Variants in HDAC9 observed in about 807,000 individuals in gnomAD.
The protein encoded by HDAC9 is histone deacetylase 9, also known as MEF-2 interacting transcription repressor (MITR) protein.
Under a neutral mutation model 139.4 loss-of-function variants are expected in HDAC9, and 41 were observed. That is an observed-to-expected ratio of 0.29 (90% CI 0.23 to 0.38). The LOEUF is 0.38. Ranked by LOEUF, HDAC9 falls within the 10% of genes least tolerant of loss-of-function variation. HDAC9 has a pLI of 1.00. For synonymous variants in HDAC9, 517 were observed against 476.2 expected, an observed-to-expected ratio of 1.09 and a Z score of -1.12; for missense variants, 1,147 against 1,297.0, an observed-to-expected ratio of 0.88 and a Z score of 1.78.
At chr7:18,651,100 C>T (rs553679188) in intron 11 of HDAC9, among the ~76,000 whole-genome samples, 25 of 152,254 alleles carry the variant, frequency 1.6e-4, no homozygotes, top group East Asian at 3.9e-4. Context: ...GCTTCCGTGA[C>T]GTGACAAGGA....
chr7:18,880,478 A>T (rs1428079917), intron 22 of HDAC9, among the ~76,000 whole-genome samples: 1 of 152,198 alleles, frequency 6.6e-6, no homozygotes, highest in African/African-American at 2.4e-5. Flanking sequence ...AGCCATAAAA[A>T]AGAACAAGCT....
chr7:18,270,672 GAGT>G (rs1796297710), intron 2 of HDAC9, among the ~76,000 whole-genome samples: 1 of 152,118 alleles, frequency 6.6e-6, no homozygotes, highest in South Asian at 2.1e-4. Context: ...GGTGAAAAAA[GAGT>G]AGGAGGAAAA....
intron 13 of HDAC9, 134 bp downstream of exon 13, chr7:18,727,891 G>A (rs1339661910): frequency 3.3e-6 from 2 of 611,800 alleles, no homozygotes; most frequent in Non-Finnish European, 5.2e-6. Context: ...CAAATTTTAC[G>A]AGGTTATATT....
At chr7:18,185,637 G>A (rs932688079) in intron 2 of HDAC9, among the ~76,000 whole-genome samples, 3 of 151,220 alleles carry the variant, frequency 2.0e-5, no homozygotes, top group Admixed American at 6.6e-5. Context: ...TTTTCTCTTT[G>A]TATTTAAACT....
At chr7:18,300,060 A>G (rs952898529) in intron 1 of HDAC9, among the ~76,000 whole-genome samples, 2 of 152,146 alleles carry the variant, frequency 1.3e-5, no homozygotes, top group South Asian at 2.1e-4. Context: ...TCCTCCCCTT[A>G]CAGCAGCCTC....
At chr7:18,371,545 T>G (rs1337639493) in intron 1 of HDAC9, among the ~76,000 whole-genome samples, 3 of 152,096 alleles carry the variant, frequency 2.0e-5, no homozygotes, top group Admixed American at 2.0e-4. Context: ...TAGAACACAT[T>G]AGGAATTCCA....
At chr7:18,297,618 C>G (rs1798241156) in intron 1 of HDAC9, among the ~76,000 whole-genome samples, 1 of 152,102 alleles carries the variant, frequency 6.6e-6, no homozygotes, top group South Asian at 2.1e-4. Flanking sequence ...AGGTTAGATT[C>G]TTGTGACAGT....
intron 21 of HDAC9, among the ~76,000 whole-genome samples, chr7:18,864,029 GT>G (rs1798304111): frequency 6.6e-6 from 1 of 152,152 alleles, no homozygotes; most frequent in African/African-American, 2.4e-5. Flanking sequence ...TGTATTATAT[GT>G]TTTTTAAGGA....
intron 1 of HDAC9, chr7:18,429,428 T>A (rs1379506661): frequency 6.6e-6 from 1 of 152,184 alleles, no homozygotes; most frequent in African/African-American, 2.4e-5. Flanking sequence ...TAGCTGTAAA[T>A]GTAATACTCC....
chr7:18,921,738 A>G (rs1175547681), intron 22 of HDAC9, among the ~76,000 whole-genome samples: 1 of 152,176 alleles, frequency 6.6e-6, no homozygotes, highest in Non-Finnish European at 1.5e-5. Context: ...GTATATACCC[A>G]AAGGACTATA....
intron 21 of HDAC9, among the ~76,000 whole-genome samples, chr7:18,843,146 A>G (rs1326893502): frequency 6.6e-6 from 1 of 152,128 alleles, no homozygotes; most frequent in Non-Finnish European, 1.5e-5. Context: ...GACTAATTAA[A>G]AGGATATCTA....
chr7:18,794,703 T>G (rs1000217195), intron 17 of HDAC9, among the ~76,000 whole-genome samples: 4 of 152,220 alleles, frequency 2.6e-5, no homozygotes, highest in Non-Finnish European at 4.4e-5. Context: ...CCAGTAGAAC[T>G]TGAGGAAAAA....
chr7:18,766,521 G>A (rs534923735), intron 15 of HDAC9, among the ~76,000 whole-genome samples: 32 of 152,190 alleles, frequency 2.1e-4, no homozygotes, highest in Admixed American at 1.7e-3. Flanking sequence ...TTAAAAAATT[G>A]TGGATGTTAG....
At chr7:18,856,705 G>A (rs1797708349) in intron 21 of HDAC9, among the ~76,000 whole-genome samples, 1 of 152,128 alleles carries the variant, frequency 6.6e-6, no homozygotes, top group Non-Finnish European at 1.5e-5. Context: ...ACATTTGTGT[G>A]CATTTATCTT....
At chr7:18,309,480 T>A (rs1799157817) in intron 1 of HDAC9, among the ~76,000 whole-genome samples, 1 of 152,154 alleles carries the variant, frequency 6.6e-6, no homozygotes, top group African/African-American at 2.4e-5. Context: ...AGAAAAAAAA[T>A]GGTAAAGGTA....
In HDAC9 at chr7:18,202,976, A is replaced by G. The variant is rs143493496; in HGVS notation, c.25+40627A>G. On this transcript the variant is annotated intron_variant, in intron 2 of 12. Transcript: ENST00000417496. The stretch of plus-strand genomic sequence containing the variant: ...GAAAGTTCTTGTGAGGATTAAATGG[A>G]TGAATATATGTAAAGCAGTTTAAAC... Among the ~76,000 whole-genome samples, 42 of 152,312 alleles carry G rather than the reference A, an allele frequency of 2.8e-4. No homozygotes were observed. In the East Asian group the frequency reaches 6.6e-3, roughly 24 times the overall value.
At position 18,345,500 on chromosome 7, in the gene HDAC9, A is replaced by G. The variant is rs1156841576; in HGVS notation, c.-42+54985A>G. On this transcript the variant is annotated intron_variant, in intron 1 of 3. Transcript: ENST00000413509. ...GATTCAAAGCTTGTTCATTTAATGA[A>G]TTGTTGTTTAGTGAAAGTACATGAT... is the stretch of plus-strand genomic sequence containing the variant. Among the ~76,000 whole-genome samples the G allele has an allele frequency of 2.7e-5, 4 of 150,884 alleles. No individual in the cohort carries two copies. The Admixed American group carries it at 2.7e-4, about 10-fold the overall frequency.
intron 16 of HDAC9, among the ~76,000 whole-genome samples, chr7:18,790,029 T>C (rs1467015345): frequency 6.6e-6 from 1 of 152,162 alleles, no homozygotes; most frequent in Non-Finnish European, 1.5e-5. Flanking sequence ...ATGGATGTTC[T>C]TCTAGTGACA....
At chr7:18,573,916 C>T (rs765803890) in intron 2 of HDAC9, among the ~76,000 whole-genome samples, 6 of 152,222 alleles carry the variant, frequency 3.9e-5, no homozygotes, top group Non-Finnish European at 7.3e-5. Context: ...CCCTTCTCAT[C>T]GCCCACAACA....
Sources: allele counts gnomAD v4.1 joint callset (sites outside exome capture counted in the v4.1 genomes callset), GRCh38; gene constraint gnomAD v4.1.1; transcripts MANE v1.5; gene names NCBI Gene and HGNC (gene_info 2026-07-23, HGNC 2026-07-21).